Variants in FN1 observed in about 807,000 individuals in gnomAD.
FN1 encodes fibronectin.
Under a neutral mutation model 297.3 loss-of-function variants are expected in FN1, and 106 were observed. The ratio of observed to expected loss-of-function variants is 0.36; its 90% CI spans 0.30 to 0.42. FN1 has a LOEUF of 0.42. Among genes scored for constraint, FN1 ranks in the 10% least tolerant of loss-of-function variants. FN1 has a pLI of 1.00. For synonymous variants in FN1, 1,149 were observed against 1,152.6 expected, an observed-to-expected ratio of 1.00 and a Z score of 0.06; for missense variants, 2,690 against 3,124.9, an observed-to-expected ratio of 0.86 and a Z score of 3.32.
intron 35 of FN1, among the ~76,000 whole-genome samples, chr2:215,377,462 TC>T (rs908302274): frequency 3.3e-5 from 5 of 150,226 alleles, no homozygotes; most frequent in Admixed American, 6.7e-5. Flanking sequence ...TATAAGGTCC[TC>T]CCCCCCCAAC....
intron 39 of FN1, 108 bp downstream of exon 39, chr2:215,373,214 T>A (rs1188382083): frequency 1.2e-6 from 1 of 859,446 alleles, no homozygotes. Context: ...ATAAAAAAAA[T>A]CACAAGAAAT....
At chr2:215,365,966 A>ATTTTTTTTTTT (rs559516647) in intron 42 of FN1, among the ~76,000 whole-genome samples, 356 of 90,316 alleles carry the variant, frequency 3.9e-3, no homozygotes, top group African/African-American at 5.1e-3. Context: ...CCACAGTGCT[A>ATTTTTTTTTTT]TTTTTTTTTT....
intron 29 of FN1, 99 bp downstream of exon 29, chr2:215,384,761 C>A: frequency 1.2e-6 from 1 of 868,428 alleles, no homozygotes; most frequent in South Asian, 1.4e-5. Context: ...AATGGACTTG[C>A]CAAAGTTTCT....
intron 38 of FN1, 86 bp from the exon 39 acceptor site, chr2:215,373,497 A>AG: frequency 9.5e-7 from 1 of 1,055,998 alleles, no homozygotes; most frequent in Non-Finnish European, 1.5e-6. Flanking sequence ...CGCTACTGGG[A>AG]GCAGGCACTT....
intron 44 of FN1, chr2:215,363,773 A>G (rs910336019): frequency 4.6e-5 from 7 of 152,162 alleles, no homozygotes; most frequent in African/African-American, 1.2e-4. Flanking sequence ...TGAGTTACAC[A>G]TAATTTCATT....
At chr2:215,392,730 A>G in intron 25 of FN1, 1 of 622,982 alleles carries the variant, frequency 1.6e-6, no homozygotes, top group Non-Finnish European at 2.9e-6. Context: ...TTTAAATGAG[A>G]GTGTACTGAA....
intron 6 of FN1, among the ~76,000 whole-genome samples, chr2:215,427,668 T>C (rs917390410): frequency 6.6e-6 from 1 of 152,186 alleles, no homozygotes; most frequent in African/African-American, 2.4e-5. Flanking sequence ...AGAAACCACA[T>C]ATAAAGGATG....
chr2:215,402,430 CT>C, intron 20 of FN1, among the ~76,000 whole-genome samples: 1 of 152,296 alleles, frequency 6.6e-6, no homozygotes, highest in African/African-American at 2.4e-5. Flanking sequence ...CCAGAAACAG[CT>C]TTTTCCCCTA....
intron 28 of FN1, among the ~76,000 whole-genome samples, chr2:215,385,369 C>T (rs990949855): frequency 2.7e-4 from 41 of 151,278 alleles, no homozygotes; most frequent in African/African-American, 9.5e-4. Flanking sequence ...CAAAACCAGC[C>T]TGGCCAACAT....
chr2:215,401,234 GAAAGAAAGAAAGA>G lies in FN1; in HGVS notation c.3254-1896_3254-1884del, dbSNP rs1378759832. 1.5e-3 allele frequency among the ~76,000 whole-genome samples: 82 copies of G among 56,046 alleles called. 2 individuals carry two copies. The highest frequency in any genetic ancestry group is 8.1e-4 in the Non-Finnish European group (22 of 27,196). The allele number at this position is 56,046 out of a possible 152,430, so 36.8% of individuals were successfully genotyped here. A position where few individuals can be genotyped will look rare whatever the true frequency, so the allele number is the denominator to read the frequency against. On this transcript the variant is annotated intron_variant, in intron 20 of 45. Transcript: ENST00000354785. ...AGAAAGAAAGAAAGAAAGAAAGAAA[GAAAGAAAGAAAGA>G]AAGGAAGAAAGAAAGGAAGGAAAGG...
At chr2:215,396,185 G>A (rs1242279261) in intron 23 of FN1, among the ~76,000 whole-genome samples, 1 of 152,120 alleles carries the variant, frequency 6.6e-6, no homozygotes, top group Non-Finnish European at 1.5e-5. Flanking sequence ...ATTAGAAATA[G>A]CTAAATAATA....
chr2:215,371,740 TAACCTC>T, intron 40 of FN1, 163 bp downstream of exon 40: 1 of 543,364 alleles, frequency 1.8e-6, no homozygotes. Flanking sequence ...CTTGAACTCC[TAACCTC>T]AAATGATCCA....
In FN1 at chr2:215,370,378, C is replaced by T; in HGVS notation, c.6769G>A (p.Ala2257Thr). Residue 2257 changes from alanine (A) to threonine (T), a missense_variant, in exon 41 of 46, where the codon GCC becomes ACC. Around this residue, in one of 3 missense-constraint regions of FN1, gnomAD observed 1,743 missense variants for 1,945.2 expected, o/e 0.90. Coordinates refer to ENST00000354785, the MANE Select transcript of FN1 (RefSeq NM_212482.4). ...SATLTGLTRG[A>T]TYNVIVEALK... ...GCCTCCACTATGACGTTGTAGGTGG[C>T]ACCTCTGGTGAGGCCTGTCAGAGTG... The T allele has an allele frequency of 6.2e-7, 1 of 1,613,780 alleles. No homozygotes were observed. Among genetic ancestry groups the T allele is most frequent in the Non-Finnish European group, 8.5e-7 (1 of 1,179,864 alleles).
intron 28 of FN1, 93 bp downstream of exon 28, chr2:215,386,591 TTTTGA>T: frequency 5.3e-6 from 3 of 563,832 alleles, no homozygotes; most frequent in South Asian, 3.5e-5. Flanking sequence ...TTTTTTTTTT[TTTTGA>T]GAGCTGATGA....
At position 215,431,924 on chromosome 2, in the gene FN1, G is replaced by A. The variant is rs370855081; in HGVS notation, c.456C>T (p.Asp152=). The part of the protein sequence containing the change: ...HEGGQSYKIG[D]TWRRPHETGG... ...CAGTCTCATGTGGTCTCCTCCAGGT[G>A]TCACCAATCTTGTAGGACTGACCCC... Residue 152 remains aspartate, a synonymous_variant, in exon 4 of 46, where the codon GAC becomes GAT. Coordinates refer to ENST00000354785, the MANE Select transcript of FN1 (RefSeq NM_212482.4). 1.1e-5 allele frequency: 17 copies of A among 1,613,936 alleles called. No individual in the cohort carries two copies. The highest frequency in any genetic ancestry group is 1.4e-5 in the Non-Finnish European group (16 of 1,179,976).
chr2:215,419,286 C>T lies in FN1; in HGVS notation c.1775G>A (p.Arg592His), dbSNP rs147831535. 4,368 of 1,613,746 alleles carry T rather than the reference C, an allele frequency of 2.7e-3. 10 individuals carry two copies. The highest frequency in any genetic ancestry group is 3.1e-3 in the Non-Finnish European group (3,657 of 1,179,652). ...TTGGCAATGCCACTCCCCAATGCCA[C>T]GGCCATAGCAGTAGCACTGGTATCT... ...GVRYQCYCYG[R>H]GIGEWHCQPL... Residue 592 changes from arginine to histidine, a missense_variant, in exon 12 of 46, where the codon CGT (arginine) becomes CAT (histidine). Around this residue, in one of 3 missense-constraint regions of FN1, gnomAD observed 876 missense variants for 1,058.1 expected, o/e 0.83. Transcript: ENST00000354785.
At chr2:215,383,103 C>G (rs975618893) in intron 31 of FN1, among the ~76,000 whole-genome samples, 1 of 151,780 alleles carries the variant, frequency 6.6e-6, no homozygotes, top group Non-Finnish European at 1.5e-5. Flanking sequence ...CTCCAGACTT[C>G]AAGCCATTCT....
chr2:215,414,824 G>A lies in FN1; in HGVS notation c.1941+13C>T, dbSNP rs1206982150. 1.5e-5 allele frequency: 24 copies of A among 1,613,646 alleles called. No individual in the cohort carries two copies. Among genetic ancestry groups the A allele is most frequent in the Non-Finnish European group, 1.9e-5 (23 of 1,179,764 alleles). On this transcript the variant is annotated intron_variant, in intron 13 of 45. Coordinates refer to ENST00000354785, the MANE Select transcript of FN1 (RefSeq NM_212482.4). ...GAGACTCAGTATCCAAGGTTTCTGGGTGGGATACTCACAGGTCTCCACCTG... is the reference window on the plus strand; with the variant it reads ...GAGACTCAGTATCCAAGGTTTCTGGATGGGATACTCACAGGTCTCCACCTG...
At chr2:215,384,333 G>T (rs567819770) in intron 29 of FN1, 149 bp from the exon 30 acceptor site, 1 of 731,212 alleles carries the variant, frequency 1.4e-6, no homozygotes, top group South Asian at 1.6e-5. Context: ...ACAGAAAGGG[G>T]TATTTATGCA....
Sources: gnomAD v4.1 joint callset for allele counts (sites outside exome capture counted in the v4.1 genomes callset) on GRCh38, gnomAD v4.1.1 for gene constraint, gnomAD v4.1.1 regional missense constraint, MANE v1.5 for transcripts, NCBI Gene and HGNC (gene_info 2026-07-23, HGNC 2026-07-21) for gene names.